The following RNF144A variants were observed in gnomAD, a reference collection of about 807,000 sequenced individuals.
The protein encoded by RNF144A is ring finger protein 144A.
A neutral mutation model predicts 38.7 loss-of-function variants in RNF144A; 11 were observed. The ratio of observed to expected loss-of-function variants is 0.28; its 90% CI spans 0.18 to 0.47. The LOEUF (loss-of-function observed/expected upper bound fraction) is 0.47. Ranked by LOEUF, RNF144A falls within the 20% of genes least tolerant of loss-of-function variation. The pLI, the probability that RNF144A is intolerant of heterozygous loss-of-function variation, is 0.99. For missense variants in RNF144A, 316 were observed against 377.2 expected, an observed-to-expected ratio of 0.84 and a Z score of 1.34; for synonymous variants, 149 against 143.9, an observed-to-expected ratio of 1.04 and a Z score of -0.25.
At chr2:6,972,781 A>G (rs532678065) in intron 2 of RNF144A, among the ~76,000 whole-genome samples, 165 of 152,342 alleles carry the variant, frequency 1.1e-3, no homozygotes, top group African/African-American at 3.7e-3. Context: ...CTCCCAGAGA[A>G]AAGGACCTAC....
chr2:7,019,895 G>C (rs1325136812), intron 5 of RNF144A, among the ~76,000 whole-genome samples: 1 of 152,196 alleles, frequency 6.6e-6, no homozygotes, highest in Non-Finnish European at 1.5e-5. Flanking sequence ...TAGTTAACTC[G>C]TGGCTTGGAT....
At chr2:7,070,638 G>T (rs983966064), downstream of RNF144A, among the ~76,000 whole-genome samples, 1 of 152,136 alleles carries the variant, frequency 6.6e-6, no homozygotes, top group Non-Finnish European at 1.5e-5. Context: ...TCCAATGACC[G>T]CTGTCTTTAT....
chr2:7,068,346 G>A (rs186183819), downstream of RNF144A: 7,783 of 842,120 alleles, frequency 9.2e-3, 48 homozygotes, highest in Non-Finnish European at 0.011. Flanking sequence ...TAGTGGCACC[G>A]TGAAACTTTA....
chr2:6,979,609 G>T (rs1471084978), intron 2 of RNF144A, among the ~76,000 whole-genome samples: 1 of 151,670 alleles, frequency 6.6e-6, no homozygotes, highest in African/African-American at 2.4e-5. Flanking sequence ...TTACATCTTT[G>T]GTGGGGGACC....
intron 4 of RNF144A, 74 bp from the exon 5 acceptor site, chr2:7,014,638 G>A: frequency 6.5e-7 from 1 of 1,535,236 alleles, no homozygotes; most frequent in South Asian, 1.1e-5. Context: ...CGTGGGTTTT[G>A]TTTGGGTGTG....
intron 2 of RNF144A, among the ~76,000 whole-genome samples, chr2:6,980,374 G>C (rs1308515854): frequency 6.6e-6 from 1 of 152,212 alleles, no homozygotes; most frequent in Non-Finnish European, 1.5e-5. Flanking sequence ...AAGCCAGTTA[G>C]TTACTTCTAA....
rs1422679939 is a variant in RNF144A at position 6,979,512 on chromosome 2, A to G, written c.-11-17404A>G. On this transcript the variant is annotated intron_variant, in intron 2 of 8. Transcript: ENST00000320892. Reference sequence around the variant, plus strand: ...GAAACAGACATTCTTCTCAGGTGTGAAAAGTTAAAAGAAATCATTAGCTTT... The same window carrying G: ...GAAACAGACATTCTTCTCAGGTGTGGAAAGTTAAAAGAAATCATTAGCTTT... 2.0e-5 allele frequency among the ~76,000 whole-genome samples: 3 copies of G among 152,174 alleles called. No individual in the cohort carries two copies. In the East Asian group the frequency reaches 5.8e-4, roughly 29 times the overall value.
rs1166013256 is a variant in RNF144A at position 7,014,460 on chromosome 2, A to G, written c.142A>G (p.Lys48Glu). 1 of 1,611,166 alleles carries G rather than the reference A, an allele frequency of 6.2e-7. No homozygotes were observed. The highest frequency in any genetic ancestry group is 8.5e-7 in the Non-Finnish European group (1 of 1,177,534). The change falls in exon 4 of 9, where the codon AAA becomes GAA. Residue 48 changes from lysine to glutamate, a missense_variant. By Grantham distance (56) the Lys-to-Glu change is moderately conservative (BLOSUM62 1). Coordinates refer to ENST00000320892, the MANE Select transcript of RNF144A (RefSeq NM_014746.6). ...CQCIFCTLCL[K>E]QYVELLIKEG... ...TTCTCTGTTTTTCTTTCAGTGCCTG[A>G]AACAGTATGTTGAGCTCTTGATCAA...
intron 7 of RNF144A, among the ~76,000 whole-genome samples, chr2:7,024,893 G>A (rs1299462310): frequency 6.6e-6 from 1 of 152,170 alleles, no homozygotes; most frequent in East Asian, 1.9e-4. Flanking sequence ...TCATGGTTCT[G>A]GGGGCTGGAA....
intron 2 of RNF144A, among the ~76,000 whole-genome samples, chr2:6,975,798 C>A (rs896703972): frequency 6.6e-6 from 1 of 152,226 alleles, no homozygotes; most frequent in Non-Finnish European, 1.5e-5. Context: ...AGCACTCTAG[C>A]CTGGGTGACA....
chr2:7,039,686 C>G lies in RNF144A; in HGVS notation c.805C>G (p.Leu269Val). The G allele has an allele frequency of 6.2e-7, 1 of 1,614,102 alleles. No individual in the cohort carries two copies. Among genetic ancestry groups the G allele is most frequent in the Admixed American group, 1.7e-5 (1 of 60,014 alleles). Residue 269 changes from leucine (L) to valine (V), a missense_variant, in exon 9 of 9, where the codon CTC (leucine) becomes GTC (valine). Physicochemically the swap from Leu to Val is conservative, Grantham distance 32. Transcript: ENST00000320892. ...GCTCTTGGTGGCCTCACCTTTCCTA[C>G]TCCTGGCCACTCCCTTTGTACTTTG... Reference protein sequence around the residue: ...LLLLVASPFLLLATPFVLCCK... With the variant: ...LLLLVASPFLVLATPFVLCCK...
chr2:6,922,890 C>A (rs949813672), intron 1 of RNF144A, among the ~76,000 whole-genome samples: 1 of 152,152 alleles, frequency 6.6e-6, no homozygotes, highest in Non-Finnish European at 1.5e-5. Context: ...TCCCAAGGTG[C>A]TGGGATTACA....
Position 7,014,853 on chromosome 2 carries a change from A to G in RNF144A, c.301+81A>G, listed in dbSNP as rs530557159. ...ATTTTGTGGGGAGTTCTTTTGGTAG[A>G]TATGGTTATACAGCATTTGATAGGA... On this transcript the variant is annotated intron_variant, in intron 5 of 8. Coordinates refer to ENST00000320892, the MANE Select transcript of RNF144A (RefSeq NM_014746.6). 19 of 1,000,740 alleles carry G rather than the reference A, an allele frequency of 1.9e-5. No individual in the cohort carries two copies. In the African/African-American group the frequency reaches 2.9e-4, roughly 15 times the overall value. 62.0% of individuals were successfully genotyped at this position (1,000,740 alleles called of 1,614,324 possible).
At chr2:6,989,493 G>A (rs959539483) in intron 2 of RNF144A, among the ~76,000 whole-genome samples, 8 of 152,154 alleles carry the variant, frequency 5.3e-5, no homozygotes, top group Admixed American at 1.3e-4. Flanking sequence ...GCCCATTCCC[G>A]AAATCATTCT....
intron 2 of RNF144A, among the ~76,000 whole-genome samples, chr2:6,967,684 A>G (rs1667755615): frequency 6.6e-6 from 1 of 152,180 alleles, no homozygotes; most frequent in African/African-American, 2.4e-5. Context: ...TACTTCATTC[A>G]CTTCTTCACA....
chr2:6,928,686 C>G (rs577513252), intron 1 of RNF144A, among the ~76,000 whole-genome samples: 7 of 152,288 alleles, frequency 4.6e-5, no homozygotes, highest in African/African-American at 1.7e-4. Context: ...TCAGAGTTGC[C>G]CCAGATTTTT....
Position 6,997,067 on chromosome 2 carries a change from T to C in RNF144A, c.135+6T>C. 1.2e-6 allele frequency: 2 copies of C among 1,613,940 alleles called. No homozygotes were observed. Among genetic ancestry groups the C allele is most frequent in the Non-Finnish European group, 1.7e-6 (2 of 1,179,796 alleles). ...AATGCATCTTCTGTACTCTGGTTGG[T>C]CTTTTTGGATAAAATATATGTTACA... On this transcript the variant is annotated splice_donor_region_variant and intron_variant, in intron 3 of 8. Transcript: ENST00000320892.
At chr2:6,949,792 T>C (rs7562120) in intron 2 of RNF144A, among the ~76,000 whole-genome samples, 103,300 of 152,054 alleles carry the variant, frequency 0.68, 38,164 homozygotes, top group Non-Finnish European at 0.83. Flanking sequence ...TTCTAAAAGT[T>C]CTCTAAGGAA....
At chr2:7,006,241 G>A (rs1217527036) in intron 3 of RNF144A, among the ~76,000 whole-genome samples, 1 of 152,142 alleles carries the variant, frequency 6.6e-6, no homozygotes, top group African/African-American at 2.4e-5. Flanking sequence ...CAGGGATGCT[G>A]TAGTTATAAC....
Sources: allele counts gnomAD v4.1 joint callset (sites outside exome capture counted in the v4.1 genomes callset), GRCh38; gene constraint gnomAD v4.1.1; transcripts MANE v1.5; gene names NCBI Gene and HGNC (gene_info 2026-07-23, HGNC 2026-07-21).